SLA: variants seen among roughly 807,000 people sequenced by gnomAD.
SLA encodes the protein src-like-adapter.
SLA carries 16 observed loss-of-function variants against 30.3 expected under a neutral mutation model. The observed-to-expected ratio is 0.53, with a 90% CI of 0.36 to 0.80. The LOEUF is 0.80. Ranked by LOEUF, SLA falls within the 30% of genes least tolerant of loss-of-function variation. The probability of loss-of-function intolerance (pLI) is 0.01; values close to 1 mark genes in which losing one functional copy is unlikely to be tolerated. For missense variants in SLA, 310 were observed against 345.2 expected, an observed-to-expected ratio of 0.90 and a Z score of 0.81; for synonymous variants, 143 against 137.8, an observed-to-expected ratio of 1.04 and a Z score of -0.26.
intron 7 of SLA, 128 bp from the exon 8 acceptor site, chr8:133,040,258 A>C: frequency 9.9e-7 from 1 of 1,014,352 alleles, no homozygotes; most frequent in Non-Finnish European, 1.4e-6. Context: ...CTGAGATTTC[A>C]AAGGGGCATG....
intron 4 of SLA, 130 bp downstream of exon 4, chr8:133,050,686 A>G (rs1477414805): frequency 6.1e-6 from 4 of 654,498 alleles, no homozygotes; most frequent in Non-Finnish European, 1.1e-5. Flanking sequence ...TATGGGTCAA[A>G]TTTCTCACCT....
At chr8:133,045,163 C>T in intron 6 of SLA, 48 bp from the exon 7 acceptor site, 1 of 1,607,288 alleles carries the variant, frequency 6.2e-7, no homozygotes, top group South Asian at 1.1e-5. Flanking sequence ...GTCCTCACCC[C>T]AAGGCACCCA....
At chr8:133,076,463 A>G (rs1844876961) in intron 1 of SLA, among the ~76,000 whole-genome samples, 1 of 152,232 alleles carries the variant, frequency 6.6e-6, no homozygotes, top group African/African-American at 2.4e-5. Context: ...CCCGCTCAAG[A>G]AGAGCATGCT....
chr8:133,064,984 T>C (rs1374993374), intron 2 of SLA, among the ~76,000 whole-genome samples: 1 of 152,120 alleles, frequency 6.6e-6, no homozygotes, highest in South Asian at 2.1e-4. Flanking sequence ...TTGGTGACAG[T>C]TAGAATTAAT....
At chr8:133,081,949 TCTC>T (rs1845820090) in intron 1 of SLA, among the ~76,000 whole-genome samples, 1 of 152,186 alleles carries the variant, frequency 6.6e-6, no homozygotes, top group East Asian at 1.9e-4. Context: ...GAAACAGGCA[TCTC>T]ATTTCTAAGC....
At chr8:133,080,136 G>C (rs1845525503) in intron 1 of SLA, among the ~76,000 whole-genome samples, 1 of 152,136 alleles carries the variant, frequency 6.6e-6, no homozygotes, top group Non-Finnish European at 1.5e-5. Context: ...AGTCCAGAGT[G>C]ACTCTGGCAT....
rs765931953 is a variant in SLA at position 133,094,242 on chromosome 8, C to CTTT, written c.-319+8308_-319+8310dup. On this transcript the variant is annotated intron_variant, in intron 1 of 8. Transcript: ENST00000338087. ...TTAGAAAGAAGAAACCTGTCGTTTT[C>CTTT]TTTTTTTTTTTTTTTTTTGATGGAG... is the stretch of plus-strand genomic sequence containing the variant. Among the ~76,000 whole-genome samples the CTTT allele has an allele frequency of 3.9e-3, 492 of 126,568 alleles. 8 individuals are homozygous for CTTT. Among genetic ancestry groups the CTTT allele is most frequent in the African/African-American group, 0.012 (398 of 34,058 alleles). The allele number at this position is 126,568 out of a possible 152,430, so 83.0% of individuals were successfully genotyped here. A position where few individuals can be genotyped will look rare whatever the true frequency, so the allele number is the denominator to read the frequency against.
chr8:133,068,123 A>G (rs749873748), intron 2 of SLA, among the ~76,000 whole-genome samples: 2 of 152,178 alleles, frequency 1.3e-5, no homozygotes, highest in Non-Finnish European at 2.9e-5. Flanking sequence ...TAGCAACTCA[A>G]CACTCTCACA....
intron 3 of SLA, among the ~76,000 whole-genome samples, chr8:133,058,461 C>T (rs935383431): frequency 2.6e-5 from 4 of 152,212 alleles, no homozygotes; most frequent in Non-Finnish European, 5.9e-5. Context: ...AATGAGCAAG[C>T]CTTGGAGACT....
chr8:133,075,009 G>A lies in SLA; in HGVS notation c.-197C>T. The A allele has an allele frequency of 1.0e-6, 1 of 985,450 alleles. No homozygotes were observed. The highest frequency in any genetic ancestry group is 1.2e-6 in the Non-Finnish European group (1 of 829,942). 61.0% of individuals were successfully genotyped at this position (985,450 alleles called of 1,614,324 possible). A position where few individuals can be genotyped will look rare whatever the true frequency, so the allele number is the denominator to read the frequency against. On this transcript the variant is annotated 5_prime_UTR_variant, in exon 2 of 9. Transcript: ENST00000338087. Reference sequence around the variant, plus strand: ...GAGAAGCAGCCCATGCTACACAGAAGAACTGCAGTTGCTAAACTGGCCGCA... The same window carrying A: ...GAGAAGCAGCCCATGCTACACAGAAAAACTGCAGTTGCTAAACTGGCCGCA...
chr8:133,057,586 C>T (rs549943089), intron 3 of SLA, among the ~76,000 whole-genome samples: 3 of 152,176 alleles, frequency 2.0e-5, no homozygotes, highest in East Asian at 1.9e-4. Context: ...TGGGGCAGCC[C>T]GAGTGACTCA....
intron 2 of SLA, among the ~76,000 whole-genome samples, chr8:133,070,861 A>C (rs763502282): frequency 2.6e-5 from 4 of 152,252 alleles, no homozygotes; most frequent in Non-Finnish European, 5.9e-5. Flanking sequence ...CTCTCTGGAC[A>C]GTAGTTGTCA....
intron 7 of SLA, among the ~76,000 whole-genome samples, chr8:133,043,243 G>T (rs1838657673): frequency 3.3e-5 from 5 of 152,046 alleles, no homozygotes; most frequent in Admixed American, 3.3e-4. Flanking sequence ...GGTATTTTTG[G>T]CCTGGTAGCC....
chr8:133,091,449 C>G (rs1189730716), intron 1 of SLA, among the ~76,000 whole-genome samples: 1 of 152,148 alleles, frequency 6.6e-6, no homozygotes, highest in African/African-American at 2.4e-5. Flanking sequence ...CCTGCTTGTC[C>G]GGGTAGCTGC....
chr8:133,083,839 G>A (rs191578785), intron 1 of SLA, among the ~76,000 whole-genome samples: 38 of 152,248 alleles, frequency 2.5e-4, no homozygotes, highest in Non-Finnish European at 5.0e-4. Context: ...CCCCGTCCAG[G>A]TTCTAGTGAA....
intron 1 of SLA, among the ~76,000 whole-genome samples, chr8:133,097,227 A>G (rs1038710718): frequency 6.6e-6 from 1 of 152,244 alleles, no homozygotes; most frequent in Non-Finnish European, 1.5e-5. Context: ...AAAGCAACCA[A>G]ACAGGATCCT....
At chr8:133,066,151 G>A (rs768836190) in intron 2 of SLA, among the ~76,000 whole-genome samples, 8 of 151,964 alleles carry the variant, frequency 5.3e-5, no homozygotes, top group Non-Finnish European at 1.0e-4. Flanking sequence ...GTGAAACCCC[G>A]TCTCTACTAA....
At chr8:133,094,846 C>A in intron 1 of SLA, 1 of 700,040 alleles carries the variant, frequency 1.4e-6, no homozygotes, top group Non-Finnish European at 2.5e-6. Context: ...CCTAGAGAGA[C>A]ATCTTCAGTA....
intron 7 of SLA, 187 bp from the exon 8 acceptor site, chr8:133,040,317 G>A: frequency 1.6e-6 from 1 of 629,682 alleles, no homozygotes; most frequent in Admixed American, 2.8e-5. Context: ...TTTGAGAAAT[G>A]TAAGCGTGCC....
Sources: allele counts gnomAD v4.1 joint callset (sites outside exome capture counted in the v4.1 genomes callset), GRCh38; gene constraint gnomAD v4.1.1; transcripts MANE v1.5; gene names NCBI Gene and HGNC (gene_info 2026-07-23, HGNC 2026-07-21).